The following MRPS33 variants were observed in gnomAD, a reference collection of about 807,000 sequenced individuals.
MRPS33 encodes the protein small ribosomal subunit protein mS33.
Under a neutral mutation model 11.2 loss-of-function variants are expected in MRPS33, and 11 were observed. That is an observed-to-expected ratio of 0.99 (90% CI 0.62 to 1.63). The LOEUF (loss-of-function observed/expected upper bound fraction) is 1.63, where lower values mean the gene tolerates loss of function less well. MRPS33 is among the 40% of genes most tolerant of loss of function. MRPS33 has a pLI of 0.00. For missense variants in MRPS33, 109 were observed against 127.8 expected (o/e 0.85, Z 0.71); for synonymous variants, 46 against 44.0 (o/e 1.05, Z -0.18).
chr7:141,013,254 C>T (rs1419472523), intron 1 of MRPS33, among the ~76,000 whole-genome samples: 2 of 152,136 alleles, frequency 1.3e-5, no homozygotes, highest in African/African-American at 4.8e-5. Flanking sequence ...TCACTGAAGC[C>T]ATCACAGGAT....
chr7:141,006,313 T>G lies in MRPS33; in HGVS notation c.*117A>C, dbSNP rs1044534657. ...GATTTCACCAAGGAGATGACTGTGTTCCTCCAAATAAACTTCATTTAGGAA... is the reference window on the plus strand; with the variant it reads ...GATTTCACCAAGGAGATGACTGTGTGCCTCCAAATAAACTTCATTTAGGAA... On this transcript the variant is annotated 3_prime_UTR_variant, in exon 3 of 3. Transcript: ENST00000324787. 7 of 854,968 alleles carry G rather than the reference T, an allele frequency of 8.2e-6. No individual in the cohort carries two copies. The African/African-American group carries it at 1.2e-4, about 14-fold the overall frequency. 53.0% of individuals were successfully genotyped at this position (854,968 alleles called of 1,614,324 possible).
chr7:141,010,655 G>C lies in MRPS33; in HGVS notation c.-22C>G. ...ACATTTCTTGAGTGGCAAGGAGTTA[G>C]AGTTCCTATTGAAAATGAGAAGAAA... is the stretch of plus-strand genomic sequence containing the variant. On this transcript the variant is annotated 5_prime_UTR_variant, in exon 2 of 3. Transcript: ENST00000324787. The C allele has an allele frequency of 6.2e-7, 1 of 1,602,380 alleles. No homozygotes were observed. Among genetic ancestry groups the C allele is most frequent in the South Asian group, 1.1e-5 (1 of 90,772 alleles).
chr7:141,005,928 G>A lies in MRPS33; in HGVS notation c.*502C>T, dbSNP rs947292499. Reference sequence around the variant, plus strand: ...AGGTATTCAATACTTCCTTTTAAAAGATACTTACTCTACAAATTCATCTTA... The same window carrying A: ...AGGTATTCAATACTTCCTTTTAAAAAATACTTACTCTACAAATTCATCTTA... On this transcript the variant is annotated 3_prime_UTR_variant, in exon 3 of 3. Coordinates refer to ENST00000324787, the MANE Select transcript of MRPS33 (RefSeq NM_053035.3). 6.4e-6 allele frequency: 1 copy of A among 157,066 alleles called. No homozygotes were observed. Among genetic ancestry groups the A allele is most frequent in the Non-Finnish European group, 1.4e-5 (1 of 71,240 alleles). 9.7% of individuals were successfully genotyped at this position (157,066 alleles called of 1,614,324 possible).
At chr7:141,014,597 C>G (rs912636362) in intron 1 of MRPS33, 1 of 152,186 alleles carries the variant, frequency 6.6e-6, no homozygotes, top group African/African-American at 2.4e-5. Flanking sequence ...AGCCCACCAC[C>G]CAAAGCTACA....
chr7:141,010,371 C>G, intron 2 of MRPS33, 48 bp downstream of exon 2: 2 of 1,573,628 alleles, frequency 1.3e-6, no homozygotes, highest in Non-Finnish European at 1.7e-6. Context: ...CTTTTCTGAT[C>G]TACTGAAAAA....
intron 1 of MRPS33, 86 bp from the exon 2 acceptor site, chr7:141,010,746 G>T: frequency 2.0e-6 from 2 of 981,876 alleles, no homozygotes; most frequent in South Asian, 1.4e-5. Context: ...TGCAAACACA[G>T]CAAGCCACTC....
intron 1 of MRPS33, among the ~76,000 whole-genome samples, chr7:141,014,124 CG>C (rs1425330255): frequency 6.6e-6 from 1 of 152,164 alleles, no homozygotes. Context: ...ATGGCCACGT[CG>C]TTTTTGTAAT....
chr7:141,003,780 C>A lies in MRPS33; in HGVS notation c.*2650G>T, dbSNP rs1324870257. The A allele has an allele frequency of 6.6e-6, 1 of 152,248 alleles. No homozygotes were observed. Among genetic ancestry groups the A allele is most frequent in the Non-Finnish European group, 1.5e-5 (1 of 68,056 alleles). The allele number at this position is 152,248 out of a possible 1,614,324, so 9.4% of individuals were successfully genotyped here. The stretch of plus-strand genomic sequence containing the variant: ...AGCTACATTGGGTTCAGGCTGAGAT[C>A]CTGTTTCTCAGCTCAACATCCTGGG... On this transcript the variant is annotated 3_prime_UTR_variant, in exon 3 of 3. Transcript: ENST00000324787.
At chr7:141,010,798 G>T in intron 1 of MRPS33, 138 bp from the exon 2 acceptor site, 1 of 667,472 alleles carries the variant, frequency 1.5e-6, no homozygotes, top group Non-Finnish European at 2.6e-6. Context: ...TTGGAGTGGA[G>T]AAGTATCCAC....
At chr7:141,009,780 T>G (rs1820626415) in intron 2 of MRPS33, 1 of 151,922 alleles carries the variant, frequency 6.6e-6, no homozygotes, top group Non-Finnish European at 1.5e-5. Context: ...TCCTCAGTAC[T>G]TGGACCAGTT....
Position 141,006,188 on chromosome 7 carries a change from A to C in MRPS33, c.*242T>G, listed in dbSNP as rs143843647. The C allele has an allele frequency of 2.7e-4, 138 of 520,642 alleles. 1 individual carries two copies. The East Asian group carries it at 3.8e-3, about 14-fold the overall frequency. The allele number at this position is 520,642 out of a possible 1,614,324, so 32.3% of individuals were successfully genotyped here. A position where few individuals can be genotyped will look rare whatever the true frequency, so the allele number is the denominator to read the frequency against. On this transcript the variant is annotated 3_prime_UTR_variant, in exon 3 of 3. Coordinates refer to ENST00000324787, the MANE Select transcript of MRPS33 (RefSeq NM_053035.3). Reference sequence around the variant, plus strand: ...AAACAATAACTTAGGTATTTATTTCATTAGAGAATCAGGTAAACCTCACAT... The same window carrying C: ...AAACAATAACTTAGGTATTTATTTCCTTAGAGAATCAGGTAAACCTCACAT...
chr7:141,010,194 A>G (rs1222602357), intron 2 of MRPS33: 3 of 533,260 alleles, frequency 5.6e-6, no homozygotes, highest in African/African-American at 1.9e-5. Flanking sequence ...CATGTTGTAG[A>G]CATAATTAAA....
rs1820444331 is a variant in MRPS33 at position 141,003,073 on chromosome 7, A to G, written c.*3357T>C. 1.3e-5 allele frequency: 2 copies of G among 152,246 alleles called. No homozygotes were observed. The highest frequency in any genetic ancestry group is 6.5e-5 in the Admixed American group (1 of 15,278). 9.4% of individuals were successfully genotyped at this position (152,246 alleles called of 1,614,324 possible). ...GTCACATAATCAGTAAGTACACTGT[A>G]TCACAAACCCATGACTTTTGAATCT... On this transcript the variant is annotated 3_prime_UTR_variant, in exon 3 of 3. Coordinates refer to ENST00000324787, the MANE Select transcript of MRPS33 (RefSeq NM_053035.3).
At chr7:141,009,276 C>T (rs945091338) in intron 2 of MRPS33, among the ~76,000 whole-genome samples, 1 of 151,448 alleles carries the variant, frequency 6.6e-6, no homozygotes, top group African/African-American at 2.4e-5. Flanking sequence ...GAATTACAGG[C>T]GTGTGCCACC....
At position 141,005,632 on chromosome 7, in the gene MRPS33, G is replaced by A. The variant is rs1820506794; in HGVS notation, c.*798C>T. Reference sequence around the variant, plus strand: ...CCCAAAGTGGTGGGATTACAGGTGTGAGCAACAGCGCCTGGCTTAAATATC... The same window carrying A: ...CCCAAAGTGGTGGGATTACAGGTGTAAGCAACAGCGCCTGGCTTAAATATC... On this transcript the variant is annotated 3_prime_UTR_variant, in exon 3 of 3. Transcript: ENST00000324787. 6.6e-6 allele frequency: 1 copy of A among 152,218 alleles called. No homozygotes were observed. The highest frequency in any genetic ancestry group is 1.5e-5 in the Non-Finnish European group (1 of 68,052). 9.4% of individuals were successfully genotyped at this position (152,218 alleles called of 1,614,324 possible). A position where few individuals can be genotyped will look rare whatever the true frequency, so the allele number is the denominator to read the frequency against.
intron 1 of MRPS33, among the ~76,000 whole-genome samples, chr7:141,011,965 T>G (rs1306342183): frequency 2.1e-5 from 3 of 145,668 alleles, no homozygotes; most frequent in Non-Finnish European, 4.5e-5. Context: ...CCAGGCAACA[T>G]GGAGAAATCT....
chr7:141,008,909 C>T (rs1372089926), intron 2 of MRPS33, among the ~76,000 whole-genome samples: 4 of 151,872 alleles, frequency 2.6e-5, no homozygotes, highest in Non-Finnish European at 5.9e-5. Context: ...ATTCTCCTGC[C>T]TCAGCCTCCC....
chr7:141,012,173 C>CTAAAAAAAAAAAAAAAA (rs1820690710), intron 1 of MRPS33, among the ~76,000 whole-genome samples: 1 of 58,782 alleles, frequency 1.7e-5, no homozygotes, highest in African/African-American at 8.0e-5. Context: ...GATTGTGTGT[C>CTAAAAAAAAAAAAAAAA]AAAAAAAAAA....
Position 141,010,512 on chromosome 7 carries a change from G to A in MRPS33, c.122C>T (p.Pro41Leu), listed in dbSNP as rs1259576691. 3.7e-6 allele frequency: 6 copies of A among 1,614,112 alleles called. No homozygotes were observed. The highest frequency in any genetic ancestry group is 1.3e-5 in the African/African-American group (1 of 75,046). The change falls in exon 2 of 3, where the codon CCC becomes CTC. Residue 41 changes from proline (P) to leucine (L), a missense_variant. Pro to Leu is a moderately conservative substitution (Grantham distance 98, BLOSUM62 -3). Transcript: ENST00000324787. ...MKVVKLFSELPLAKKKETYDW... is the reference protein window; with the variant it reads ...MKVVKLFSELLLAKKKETYDW... ...ATAAGTCTCCTTCTTCTTGGCCAAG[G>A]GCAGTTCACTAAACAGTTTCACCAC...
Sources: gnomAD v4.1 joint callset for allele counts (sites outside exome capture counted in the v4.1 genomes callset) on GRCh38, gnomAD v4.1.1 for gene constraint, MANE v1.5 for transcripts, NCBI Gene and HGNC (gene_info 2026-07-23, HGNC 2026-07-21) for gene names.